C6: variants seen among roughly 807,000 people sequenced by gnomAD.
The protein encoded by C6 is complement component C6.
A neutral mutation model predicts 112.9 loss-of-function variants in C6; 101 were observed. The ratio of observed to expected loss-of-function variants is 0.89; its 90% CI spans 0.76 to 1.06. The LOEUF is 1.06. C6 is among the 50% of genes least tolerant of loss of function. The probability of loss-of-function intolerance (pLI) is 0.00; values close to 1 mark genes in which losing one functional copy is unlikely to be tolerated. For synonymous variants in C6, 431 were observed against 384.1 expected, an observed-to-expected ratio of 1.12 and a Z score of -1.43; for missense variants, 1,202 against 1,104.6, an observed-to-expected ratio of 1.09 and a Z score of -1.25.
intron 10 of C6, among the ~76,000 whole-genome samples, chr5:41,161,349 AG>A (rs1561110878): frequency 6.6e-6 from 1 of 152,152 alleles, no homozygotes; most frequent in East Asian, 1.9e-4. Context: ...TCATCAAATA[AG>A]GAGTTGCAAG....
chr5:41,216,524 G>A (rs1752201077), upstream of C6, among the ~76,000 whole-genome samples: 1 of 152,018 alleles, frequency 6.6e-6, no homozygotes, highest in Non-Finnish European at 1.5e-5. Flanking sequence ...ACCTGTCTTA[G>A]TATTCTAATG....
At chr5:41,259,403 A>G (rs932646359) in intron 1 of C6, among the ~76,000 whole-genome samples, 1 of 152,074 alleles carries the variant, frequency 6.6e-6, no homozygotes, top group African/African-American at 2.4e-5. Context: ...AATATAAGCA[A>G]TGATGTCCAG....
chr5:41,172,470 C>T (rs1055891992), intron 8 of C6, 123 bp from the exon 9 acceptor site: 13 of 932,632 alleles, frequency 1.4e-5, no homozygotes, highest in Non-Finnish European at 1.9e-5. Context: ...CTTCCCCAGT[C>T]CCCATAATCT....
At chr5:41,209,516 A>C (rs1046504790) in intron 1 of C6, among the ~76,000 whole-genome samples, 3 of 152,244 alleles carry the variant, frequency 2.0e-5, no homozygotes, top group African/African-American at 7.2e-5. Context: ...AAGCAACTTC[A>C]GCAAAGTCTC....
intron 1 of C6, among the ~76,000 whole-genome samples, chr5:41,223,029 T>C (rs1739275779): frequency 2.0e-5 from 3 of 152,334 alleles, no homozygotes; most frequent in Admixed American, 2.0e-4. Flanking sequence ...CCTTCCAATT[T>C]GTTTTGATCA....
chr5:41,163,716 A>G (rs2150279310), intron 9 of C6, among the ~76,000 whole-genome samples: 1 of 152,350 alleles, frequency 6.6e-6, no homozygotes. Context: ...TTACATTTGC[A>G]TATTTTAATG....
At chr5:41,249,444 T>C (rs538295244) in intron 1 of C6, among the ~76,000 whole-genome samples, 1 of 152,222 alleles carries the variant, frequency 6.6e-6, no homozygotes, top group African/African-American at 2.4e-5. Flanking sequence ...TTGTATTTGC[T>C]CCTATAGATA....
intron 6 of C6, 59 bp from the exon 7 acceptor site, chr5:41,181,618 G>T: frequency 2.3e-6 from 3 of 1,294,060 alleles, no homozygotes; most frequent in East Asian, 2.5e-5. Flanking sequence ...GCGACTTGTG[G>T]ATATCTAATG....
chr5:41,225,289 C>T (rs1324856227), intron 1 of C6, among the ~76,000 whole-genome samples: 3 of 148,958 alleles, frequency 2.0e-5, no homozygotes, highest in African/African-American at 7.5e-5. Context: ...TTGTTCACTT[C>T]CCACCTATGA....
At chr5:41,216,279 A>G (rs1462919285), upstream of C6, among the ~76,000 whole-genome samples, 1 of 152,170 alleles carries the variant, frequency 6.6e-6, no homozygotes, top group Non-Finnish European at 1.5e-5. Flanking sequence ...AATGACCACC[A>G]TTAACCTCCT....
In C6 at chr5:41,142,973, G is replaced by A. The variant is rs753559737; in HGVS notation, c.2657C>T (p.Pro886Leu). 4 of 1,613,488 alleles carry A rather than the reference G, an allele frequency of 2.5e-6. No homozygotes were observed. Among genetic ancestry groups the A allele is most frequent in the Non-Finnish European group, 2.5e-6 (3 of 1,179,696 alleles). The change falls in exon 18 of 18, where the codon CCA (proline) becomes CTA (leucine). Residue 886 changes from proline to leucine, a missense_variant. Pro to Leu is a moderately conservative substitution (Grantham distance 98, BLOSUM62 -3). Coordinates refer to ENST00000337836, the MANE Select transcript of C6 (RefSeq NM_000065.5). Reference protein sequence around the residue: ...STSKCVCLLPPQCFKGGNQLY... With the variant: ...STSKCVCLLPLQCFKGGNQLY... ...TTGGTTTCCACCCTTGAAGCACTGT[G>A]GGGGCAATAGGCAGACACATTTGGA...
intron 1 of C6, among the ~76,000 whole-genome samples, chr5:41,233,541 A>C (rs1469903297): frequency 6.6e-6 from 1 of 152,112 alleles, no homozygotes; most frequent in East Asian, 1.9e-4. Context: ...TAACAAAACA[A>C]AATAAAGCTA....
At chr5:41,203,697 T>A (rs1227836252) in intron 1 of C6, 1 of 185,426 alleles carries the variant, frequency 5.4e-6, no homozygotes, top group Non-Finnish European at 1.1e-5. Context: ...TCTTTTTCAT[T>A]TCCTGACATG....
In C6 at chr5:41,203,128, A is replaced by G; in HGVS notation, c.103T>C (p.Cys35Arg). Residue 35 changes from cysteine to arginine, a missense_variant, in exon 2 of 18, where the codon TGC becomes CGC. Physicochemically the swap from Cys to Arg is radical, Grantham distance 180. Coordinates refer to ENST00000337836, the MANE Select transcript of C6 (RefSeq NM_000065.5). ...DHYAWTQWTS[C>R]SKTCNSGTQS... ...GTTCCAGAATTGCAAGTTTTTGAGC[A>G]GCTGGTCCACTGAGTCCATGCATAG... 1.2e-6 allele frequency: 2 copies of G among 1,614,002 alleles called. No homozygotes were observed. Among genetic ancestry groups the G allele is most frequent in the East Asian group, 4.5e-5 (2 of 44,880 alleles).
intron 1 of C6, among the ~76,000 whole-genome samples, chr5:41,220,699 A>G (rs1263054658): frequency 6.6e-6 from 1 of 152,028 alleles, no homozygotes; most frequent in Non-Finnish European, 1.5e-5. Flanking sequence ...CATTCTTTGG[A>G]TCGCTAATTT....
intron 6 of C6, among the ~76,000 whole-genome samples, chr5:41,182,825 A>G (rs534228914): frequency 1.9e-4 from 29 of 152,330 alleles, no homozygotes; most frequent in African/African-American, 6.7e-4. Flanking sequence ...CCATATCACT[A>G]TGACTTCAGC....
chr5:41,241,591 T>C (rs903148957), intron 1 of C6, among the ~76,000 whole-genome samples: 1 of 152,002 alleles, frequency 6.6e-6, no homozygotes, highest in Non-Finnish European at 1.5e-5. Context: ...TTGGAGGAAG[T>C]GAAAGGATAT....
At chr5:41,222,078 A>T (rs768758440) in intron 1 of C6, among the ~76,000 whole-genome samples, 1 of 151,474 alleles carries the variant, frequency 6.6e-6, no homozygotes, top group Non-Finnish European at 1.5e-5. Context: ...AGGCAGAAGA[A>T]TTGCTTGAAC....
chr5:41,194,000 G>T (rs1481915715), intron 5 of C6, among the ~76,000 whole-genome samples: 1 of 152,080 alleles, frequency 6.6e-6, no homozygotes, highest in East Asian at 1.9e-4. Context: ...AGCTCTGGTT[G>T]GCAGAGGGCC....
Sources: gnomAD v4.1 joint callset for allele counts (sites outside exome capture counted in the v4.1 genomes callset) on GRCh38, gnomAD v4.1.1 for gene constraint, MANE v1.5 for transcripts, NCBI Gene and HGNC (gene_info 2026-07-23, HGNC 2026-07-21) for gene names.